NFX1: variants seen among roughly 807,000 people sequenced by gnomAD.
NFX1 encodes nuclear transcription factor, X-box binding 1, also known as transcriptional repressor NF-X1.
In NFX1, 69 loss-of-function variants were observed where a neutral mutation model predicts 137.2. The observed-to-expected ratio is 0.50, with a 90% CI of 0.41 to 0.61. NFX1 has a LOEUF of 0.61. Among genes scored for constraint, NFX1 ranks in the 20% least tolerant of loss-of-function variants. The pLI is 0.00. For missense variants in NFX1, 1,167 were observed against 1,391.0 expected (o/e 0.84, Z 2.56); for synonymous variants, 495 against 474.1 (o/e 1.04, Z -0.57).
intron 5 of NFX1, among the ~76,000 whole-genome samples, chr9:33,309,200 A>G (rs982898759): frequency 5.3e-5 from 8 of 152,052 alleles, no homozygotes; most frequent in African/African-American, 1.9e-4. Flanking sequence ...TACTAAAAAT[A>G]TAAAAAATTA....
At chr9:33,350,701 A>G (rs1823605055) in intron 15 of NFX1, among the ~76,000 whole-genome samples, 1 of 152,236 alleles carries the variant, frequency 6.6e-6, no homozygotes, top group African/African-American at 2.4e-5. Flanking sequence ...TTAAAAATAC[A>G]GCTTTTAAGC....
At chr9:33,330,840 ACT>A (rs1434510227) in intron 10 of NFX1, among the ~76,000 whole-genome samples, 1 of 151,888 alleles carries the variant, frequency 6.6e-6, no homozygotes, top group African/African-American at 2.4e-5. Context: ...GTCAATACAA[ACT>A]CTGTTAAACC....
At chr9:33,327,117 C>T (rs191177785) in intron 9 of NFX1, among the ~76,000 whole-genome samples, 2 of 152,152 alleles carry the variant, frequency 1.3e-5, no homozygotes, top group Non-Finnish European at 2.9e-5. Context: ...CTAAAAAAGA[C>T]GAACATAAAT....
chr9:33,336,074 A>G (rs1292931203), intron 11 of NFX1, among the ~76,000 whole-genome samples: 2 of 152,154 alleles, frequency 1.3e-5, no homozygotes, highest in African/African-American at 4.8e-5. Flanking sequence ...GCTGGATCCA[A>G]TGGTAATCTT....
At chr9:33,353,174 T>G (rs1823700087) in intron 17 of NFX1, among the ~76,000 whole-genome samples, 2 of 152,142 alleles carry the variant, frequency 1.3e-5, no homozygotes, top group African/African-American at 4.8e-5. Context: ...TCCTCCTTCC[T>G]CTTTCTTTTT....
intron 17 of NFX1, among the ~76,000 whole-genome samples, chr9:33,353,179 CTTTT>C (rs149322800): frequency 0.01 from 1,528 of 152,308 alleles, 19 homozygotes; most frequent in African/African-American, 0.035. Context: ...CTTCCTCTTT[CTTTT>C]TTTCTCTCTT....
At chr9:33,367,653 G>A (rs762503027) in intron 23 of NFX1, 34 bp downstream of exon 23, 9 of 1,604,322 alleles carry the variant, frequency 5.6e-6, no homozygotes, top group Non-Finnish European at 7.7e-6. Context: ...AAGGGGACCT[G>A]TCTGTCCAGA....
chr9:33,365,302 T>C (rs1413381392), intron 21 of NFX1: 3 of 153,134 alleles, frequency 2.0e-5, no homozygotes, highest in Non-Finnish European at 4.3e-5. Context: ...GAAAGAAAGC[T>C]CTGCAGTCAG....
intron 12 of NFX1, 93 bp from the exon 13 acceptor site, chr9:33,342,653 G>A: frequency 1.2e-6 from 1 of 833,964 alleles, no homozygotes; most frequent in Non-Finnish European, 1.9e-6. Context: ...ATCCATAAAT[G>A]TGTAGAGCTT....
chr9:33,344,254 T>A (rs642157), intron 14 of NFX1, 66 bp downstream of exon 14: 1,353,725 of 1,602,842 alleles, frequency 0.84, 572,190 homozygotes, highest in Non-Finnish European at 0.85. Context: ...CCTGCTGTGT[T>A]ACTGTCTTCA....
intron 7 of NFX1, among the ~76,000 whole-genome samples, chr9:33,318,394 C>T (rs1175998170): frequency 2.6e-5 from 4 of 152,198 alleles, no homozygotes; most frequent in Admixed American, 2.0e-4. Context: ...TGTTCAGCCA[C>T]GGCCTTATGG....
chr9:33,342,806 T>C lies in NFX1; in HGVS notation c.2176T>C (p.Cys726Arg), dbSNP rs749643176. Residue 726 changes from cysteine (C) to arginine (R), a missense_variant, in exon 13 of 24, where the codon TGT becomes CGT. By Grantham distance (180) the Cys-to-Arg change is radical. Transcript: ENST00000379540. ...GRKLRCGLHR[C>R]EEPCHRGNCQ... Reference sequence around the variant, plus strand: ...GAAACTCCGTTGTGGCCTTCATAGGTGTGAAGAACCTTGTCATCGTGGAAA... The same window carrying C: ...GAAACTCCGTTGTGGCCTTCATAGGCGTGAAGAACCTTGTCATCGTGGAAA... The C allele has an allele frequency of 3.7e-6, 6 of 1,613,840 alleles. No homozygotes were observed. Among genetic ancestry groups the C allele is most frequent in the Non-Finnish European group, 5.1e-6 (6 of 1,179,906 alleles).
intron 18 of NFX1, 127 bp downstream of exon 18, chr9:33,354,314 A>G (rs1205700963): frequency 2.7e-6 from 2 of 750,214 alleles, no homozygotes; most frequent in Non-Finnish European, 4.3e-6. Flanking sequence ...TTCAATAGAC[A>G]ATTTGATGTT....
chr9:33,360,127 A>G (rs10971482), intron 19 of NFX1, among the ~76,000 whole-genome samples: 7,825 of 152,244 alleles, frequency 0.051, 616 homozygotes, highest in African/African-American at 0.17. Context: ...AGTCCTAGGT[A>G]TTCAGAAATG....
At chr9:33,345,338 G>A (rs546194751) in intron 14 of NFX1, among the ~76,000 whole-genome samples, 6 of 150,742 alleles carry the variant, frequency 4.0e-5, no homozygotes, top group Admixed American at 6.6e-5. Context: ...TTAGCCTGGC[G>A]TGGTGGTGGA....
At chr9:33,335,080 C>T (rs1307101568) in intron 11 of NFX1, among the ~76,000 whole-genome samples, 1 of 152,050 alleles carries the variant, frequency 6.6e-6, no homozygotes, top group East Asian at 1.9e-4. Context: ...CAGTGGTTAG[C>T]CCACTTTTTT....
intron 9 of NFX1, among the ~76,000 whole-genome samples, chr9:33,327,087 G>A: frequency 6.6e-6 from 1 of 152,200 alleles, no homozygotes; most frequent in Admixed American, 6.5e-5. Flanking sequence ...TAACAAAAAA[G>A]ACATGAGACT....
At chr9:33,366,820 A>G in intron 22 of NFX1, 46 bp downstream of exon 22, 1 of 1,589,932 alleles carries the variant, frequency 6.3e-7, no homozygotes, top group Non-Finnish European at 8.6e-7. Flanking sequence ...AGCAGGGCAA[A>G]CTGGACCCAA....
chr9:33,314,430 A>G (rs1251071602), intron 7 of NFX1, among the ~76,000 whole-genome samples: 3 of 152,184 alleles, frequency 2.0e-5, no homozygotes, highest in East Asian at 1.9e-4. Context: ...TAATCCCAGC[A>G]CTTTGAGAGG....
Sources: allele counts gnomAD v4.1 joint callset (sites outside exome capture counted in the v4.1 genomes callset), GRCh38; gene constraint gnomAD v4.1.1; transcripts MANE v1.5; gene names NCBI Gene and HGNC (gene_info 2026-07-23, HGNC 2026-07-21).